Variants in RAB38 observed in about 807,000 individuals in gnomAD.
RAB38 encodes the protein RAB38, member RAS oncogene family.
In RAB38, 15 loss-of-function variants were observed where a neutral mutation model predicts 18.4. That is an observed-to-expected ratio of 0.82 (90% CI 0.55 to 1.26). The LOEUF is 1.26. Ranked by LOEUF, RAB38 falls within the 50% of genes most tolerant of loss-of-function variation. The pLI is 0.00. For missense variants in RAB38, 294 were observed against 267.4 expected (o/e 1.10, Z -0.69); for synonymous variants, 101 against 104.4 (o/e 0.97, Z 0.20).
chr11:87,853,777 A>C, the RAB38 span, among the ~76,000 whole-genome samples: 1 of 152,202 alleles, frequency 6.6e-6, no homozygotes, highest in African/African-American at 2.4e-5. Context: ...CCATAAACTT[A>C]ATAGTTTTAA....
intron 2 of RAB38, among the ~76,000 whole-genome samples, chr11:88,126,982 G>C (rs992628282): frequency 6.6e-6 from 1 of 152,202 alleles, no homozygotes; most frequent in African/African-American, 2.4e-5. Flanking sequence ...TCATATATGA[G>C]ACTGGAGGGG....
At chr11:87,913,810 C>A in the RAB38 span, among the ~76,000 whole-genome samples, 6 of 152,114 alleles carry the variant, frequency 3.9e-5, no homozygotes, top group African/African-American at 1.4e-4. Flanking sequence ...TTGACTTTCC[C>A]CACCATGTTG....
chr11:87,930,425 T>A, the RAB38 span, among the ~76,000 whole-genome samples: 2 of 152,194 alleles, frequency 1.3e-5, no homozygotes, highest in African/African-American at 4.8e-5. Context: ...TGTTTTTTTC[T>A]TGTAAATTTG....
the RAB38 span, among the ~76,000 whole-genome samples, chr11:87,806,585 A>G: frequency 2.6e-5 from 4 of 152,216 alleles, no homozygotes; most frequent in African/African-American, 4.8e-5. Flanking sequence ...GCCAGAAATT[A>G]GGGAAAAAAA....
At chr11:87,910,442 A>ATCATTCATT in the RAB38 span, among the ~76,000 whole-genome samples, 2 of 151,960 alleles carry the variant, frequency 1.3e-5, no homozygotes, top group Admixed American at 1.3e-4. Flanking sequence ...ACTTTTGAAG[A>ATCATTCATT]TCATTCATTT....
chr11:88,039,830 G>A, the RAB38 span, among the ~76,000 whole-genome samples: 2 of 152,148 alleles, frequency 1.3e-5, no homozygotes, highest in Admixed American at 1.3e-4. Context: ...CCAATCTAGA[G>A]CATCTTTAAA....
At chr11:87,910,448 C>A in the RAB38 span, among the ~76,000 whole-genome samples, 1 of 151,734 alleles carries the variant, frequency 6.6e-6, no homozygotes, top group Non-Finnish European at 1.5e-5. Context: ...GAAGATCATT[C>A]ATTTCTTCTT....
the RAB38 span, among the ~76,000 whole-genome samples, chr11:87,878,254 C>T: frequency 2.2e-5 from 1 of 45,310 alleles, no homozygotes. Flanking sequence ...CACCTATCAT[C>T]TATCTATCTA....
In RAB38 at chr11:88,149,638, T is replaced by G. The variant is rs151139535; in HGVS notation, c.483+37A>C. 610 of 1,565,956 alleles carry G rather than the reference T, an allele frequency of 3.9e-4. 2 individuals are homozygous for G. The African/African-American group carries it at 7.6e-3, about 19-fold the overall frequency. ...TTATGTGCCATTTTCTTTGTGAACC[T>G]TGCTTATATTAAGCTTATTATTTAA... On this transcript the variant is annotated intron_variant, in intron 2 of 2. Coordinates refer to ENST00000243662, the MANE Select transcript of RAB38 (RefSeq NM_022337.3).
chr11:87,933,934 G>A, the RAB38 span, among the ~76,000 whole-genome samples: 1 of 152,098 alleles, frequency 6.6e-6, no homozygotes, highest in Admixed American at 6.5e-5. Context: ...ATGGCAGAAA[G>A]GCATCATGAA....
the RAB38 span, among the ~76,000 whole-genome samples, chr11:87,857,729 A>C: frequency 6.6e-6 from 1 of 151,840 alleles, no homozygotes; most frequent in African/African-American, 2.4e-5. Flanking sequence ...TTTTCTTGTA[A>C]GTTTGTTTGA....
At chr11:87,950,139 A>G in the RAB38 span, among the ~76,000 whole-genome samples, 1 of 152,272 alleles carries the variant, frequency 6.6e-6, no homozygotes, top group Admixed American at 6.5e-5. Flanking sequence ...CTTTACCATT[A>G]TGTAATGGCC....
chr11:87,951,206 A>C, the RAB38 span, among the ~76,000 whole-genome samples: 1 of 152,108 alleles, frequency 6.6e-6, no homozygotes, highest in Non-Finnish European at 1.5e-5. Context: ...CATTCGTCAC[A>C]TAGCTCTCGT....
the RAB38 span, among the ~76,000 whole-genome samples, chr11:87,829,259 A>C: frequency 6.6e-6 from 1 of 152,236 alleles, no homozygotes; most frequent in African/African-American, 2.4e-5. Context: ...TGATGGGATT[A>C]ATCGTACTCC....
the RAB38 span, among the ~76,000 whole-genome samples, chr11:87,955,415 C>T: frequency 1.2e-3 from 176 of 152,246 alleles, no homozygotes; most frequent in African/African-American, 4.1e-3. Flanking sequence ...ATGCTCACTA[C>T]TAGGGTGACA....
the RAB38 span, among the ~76,000 whole-genome samples, chr11:87,910,633 C>CTTTTTTTTTTTTTTTTTTTT: frequency 7.6e-6 from 1 of 131,104 alleles, no homozygotes; most frequent in Non-Finnish European, 1.5e-5. Context: ...AGTTCATTTT[C>CTTTTTTTTTTTTTTTTTTTT]TTTTTTTTTT....
chr11:87,945,188 T>C, the RAB38 span, among the ~76,000 whole-genome samples: 20 of 152,184 alleles, frequency 1.3e-4, no homozygotes, highest in Non-Finnish European at 1.0e-4. Flanking sequence ...TTTTTAACTT[T>C]CTGATTTTGT....
chr11:88,160,738 C>T lies in RAB38; in HGVS notation c.203-10783G>A, dbSNP rs564853137. 1.4e-4 allele frequency among the ~76,000 whole-genome samples: 22 copies of T among 152,222 alleles called. 1 individual carries two copies. The South Asian group carries it at 4.6e-3, about 32-fold the overall frequency. On this transcript the variant is annotated intron_variant, in intron 1 of 2. Coordinates refer to ENST00000243662, the MANE Select transcript of RAB38 (RefSeq NM_022337.3). ...AGTGAATTAATGCAGGAACAGAAAA[C>T]TAAATACTGCATGTCCTCACCTATA...
At chr11:87,902,194 A>G in the RAB38 span, among the ~76,000 whole-genome samples, 2 of 151,580 alleles carry the variant, frequency 1.3e-5, no homozygotes, top group Non-Finnish European at 3.0e-5. Flanking sequence ...CCAGTGTTTT[A>G]AAAGGATATA....
Sources: allele counts gnomAD v4.1 joint callset (sites outside exome capture counted in the v4.1 genomes callset), GRCh38; gene constraint gnomAD v4.1.1; transcripts MANE v1.5; gene names NCBI Gene and HGNC (gene_info 2026-07-23, HGNC 2026-07-21).